The following PSMA1 variants were observed in gnomAD, a reference collection of about 807,000 sequenced individuals.
The protein encoded by PSMA1 is proteasome 20S subunit alpha 1, also known as proteasome subunit alpha type-1.
Under a neutral mutation model 38.4 loss-of-function variants are expected in PSMA1, and 3 were observed. The ratio of observed to expected loss-of-function variants is 0.08; its 90% CI spans 0.04 to 0.20. The LOEUF (loss-of-function observed/expected upper bound fraction) is 0.20. PSMA1 is among the 10% of genes least tolerant of loss of function. The probability of loss-of-function intolerance (pLI) is 1.00; values close to 1 mark genes in which losing one functional copy is unlikely to be tolerated. For missense variants in PSMA1, 227 were observed against 325.3 expected (o/e 0.70, Z 2.32); for synonymous variants, 101 against 107.1 (o/e 0.94, Z 0.35).
intron 1 of PSMA1, among the ~76,000 whole-genome samples, chr11:14,616,107 A>G (rs1488433230): frequency 6.6e-6 from 1 of 152,134 alleles, no homozygotes; most frequent in Non-Finnish European, 1.5e-5. Flanking sequence ...TACTGATACA[A>G]TCTTCCAAAT....
intron 2 of PSMA1, among the ~76,000 whole-genome samples, chr11:14,590,470 T>C (rs1411893439): frequency 2.0e-5 from 3 of 152,194 alleles, no homozygotes; most frequent in Non-Finnish European, 4.4e-5. Flanking sequence ...AGAGTGTTTC[T>C]AGAATGAAGG....
At chr11:14,640,641 T>C (rs984083587) in intron 1 of PSMA1, among the ~76,000 whole-genome samples, 1 of 144,808 alleles carries the variant, frequency 6.9e-6, no homozygotes, top group African/African-American at 2.4e-5. Flanking sequence ...AACATAGGTA[T>C]TGTTAACATA....
intron 2 of PSMA1, among the ~76,000 whole-genome samples, chr11:14,575,820 T>C (rs1194907780): frequency 6.6e-6 from 1 of 152,218 alleles, no homozygotes; most frequent in African/African-American, 2.4e-5. Flanking sequence ...TTCTAGATCC[T>C]TGAGGAATCA....
chr11:14,520,679 G>GT, upstream of PSMA1: 1 of 362,568 alleles, frequency 2.8e-6, no homozygotes, highest in South Asian at 3.1e-5. Flanking sequence ...GTCAACAGCC[G>GT]TGACTCTGGG....
At chr11:14,562,678 G>T (rs925914145) in intron 2 of PSMA1, among the ~76,000 whole-genome samples, 1 of 150,594 alleles carries the variant, frequency 6.6e-6, no homozygotes, top group Non-Finnish European at 1.5e-5. Context: ...AGGCTGGAGT[G>T]CAGGGGCATG....
At chr11:14,628,634 CATGT>C (rs1267038501) in intron 1 of PSMA1, among the ~76,000 whole-genome samples, 1 of 146,974 alleles carries the variant, frequency 6.8e-6, no homozygotes, top group Non-Finnish European at 1.5e-5. Flanking sequence ...CATACGTGTG[CATGT>C]GTCTTTATAG....
intron 2 of PSMA1, among the ~76,000 whole-genome samples, chr11:14,574,989 G>A (rs1361553900): frequency 6.6e-6 from 1 of 152,192 alleles, no homozygotes; most frequent in Admixed American, 6.5e-5. Context: ...AAAGGAAAAT[G>A]TTGGAAACTT....
chr11:14,620,344 T>C (rs1018455045), intron 1 of PSMA1, among the ~76,000 whole-genome samples: 1 of 152,222 alleles, frequency 6.6e-6, no homozygotes, highest in Non-Finnish European at 1.5e-5. Flanking sequence ...TCTTGGCTTT[T>C]CAGGTGACTT....
chr11:14,591,097 C>A (rs929356767), intron 2 of PSMA1, among the ~76,000 whole-genome samples: 8 of 152,202 alleles, frequency 5.3e-5, no homozygotes, highest in Non-Finnish European at 8.8e-5. Flanking sequence ...CTGCGTGCAG[C>A]GCTTGCGGGC....
intron 1 of PSMA1, among the ~76,000 whole-genome samples, chr11:14,632,213 T>C (rs1328613755): frequency 2.0e-5 from 3 of 148,610 alleles, no homozygotes; most frequent in African/African-American, 5.2e-5. Context: ...GTCATTATTA[T>C]GTTAGCTGGT....
chr11:14,506,786 C>A (rs886177040), intron 9 of PSMA1, among the ~76,000 whole-genome samples: 1 of 152,148 alleles, frequency 6.6e-6, no homozygotes. Flanking sequence ...GAATGCCTGG[C>A]GGCTTTCACT....
intron 2 of PSMA1, among the ~76,000 whole-genome samples, chr11:14,579,782 G>C (rs1482882511): frequency 6.6e-6 from 1 of 152,102 alleles, no homozygotes; most frequent in East Asian, 1.9e-4. Context: ...CAGAGCAAGA[G>C]GGGCATGTGA....
chr11:14,568,335 G>T (rs1218862134), intron 2 of PSMA1, among the ~76,000 whole-genome samples: 1 of 152,152 alleles, frequency 6.6e-6, no homozygotes, highest in East Asian at 1.9e-4. Flanking sequence ...ACTGCATAAT[G>T]CTGCCTTCCC....
At chr11:14,589,462 A>T (rs1839437) in intron 2 of PSMA1, among the ~76,000 whole-genome samples, 44,693 of 150,064 alleles carry the variant, frequency 0.3, 6,919 homozygotes, top group South Asian at 0.43. Flanking sequence ...ATATATATAT[A>T]TTTTTTTCTT....
chr11:14,511,148 TGA>T (rs1217307833), intron 7 of PSMA1, 197 bp from the exon 8 acceptor site: 9 of 374,538 alleles, frequency 2.4e-5, no homozygotes, highest in Admixed American at 1.4e-4. Context: ...TTTTATTTAA[TGA>T]GAGGACTCAT....
At chr11:14,627,955 C>T (rs921904257) in intron 1 of PSMA1, among the ~76,000 whole-genome samples, 2 of 152,130 alleles carry the variant, frequency 1.3e-5, no homozygotes, top group African/African-American at 2.4e-5. Context: ...AACCCCCACA[C>T]TGGTACTGGT....
chr11:14,511,307 T>C (rs1217081391), intron 7 of PSMA1, among the ~76,000 whole-genome samples: 1 of 152,156 alleles, frequency 6.6e-6, no homozygotes, highest in African/African-American at 2.4e-5. Flanking sequence ...CTCCAACTTA[T>C]TCTATGTGGC....
intron 2 of PSMA1, among the ~76,000 whole-genome samples, chr11:14,557,450 G>T (rs924582647): frequency 1.3e-5 from 2 of 152,044 alleles, no homozygotes; most frequent in Non-Finnish European, 2.9e-5. Context: ...CACCATGTTG[G>T]CCAGGATGGT....
chr11:14,538,109 T>C (rs1234603024), intron 2 of PSMA1, among the ~76,000 whole-genome samples: 1 of 152,144 alleles, frequency 6.6e-6, no homozygotes, highest in Non-Finnish European at 1.5e-5. Context: ...TTTCAGGCAA[T>C]CTTTCAATAT....
Sources: gnomAD v4.1 joint callset for allele counts (sites outside exome capture counted in the v4.1 genomes callset) on GRCh38, gnomAD v4.1.1 for gene constraint, MANE v1.5 for transcripts, NCBI Gene and HGNC (gene_info 2026-07-23, HGNC 2026-07-21) for gene names.